Variants in SLC39A12 observed in about 807,000 individuals in gnomAD.
SLC39A12 encodes the protein solute carrier family 39 member 12, also known as zinc transporter ZIP12.
A neutral mutation model predicts 71.1 loss-of-function variants in SLC39A12; 63 were observed. The observed-to-expected ratio is 0.89, with a 90% CI of 0.72 to 1.09. The LOEUF is 1.09. SLC39A12 is among the 50% of genes least tolerant of loss of function. The pLI is 0.00. For synonymous variants in SLC39A12, 351 were observed against 301.3 expected (o/e 1.16, Z -1.71); for missense variants, 892 against 812.6 (o/e 1.10, Z -1.19).
At chr10:17,995,629 C>T in intron 9 of SLC39A12, 27 bp from the exon 10 acceptor site, 1 of 1,598,734 alleles carries the variant, frequency 6.3e-7, no homozygotes. Flanking sequence ...ACTTATCTTT[C>T]ATCAGTTATT....
intron 12 of SLC39A12, among the ~76,000 whole-genome samples, chr10:18,016,449 C>T (rs970548684): frequency 2.6e-5 from 4 of 152,208 alleles, no homozygotes; most frequent in Admixed American, 1.3e-4. Flanking sequence ...TACTGCAGTA[C>T]ATCCAAATTT....
intron 12 of SLC39A12, among the ~76,000 whole-genome samples, chr10:18,021,710 A>T (rs569058149): frequency 6.6e-5 from 10 of 152,290 alleles, no homozygotes; most frequent in South Asian, 2.1e-4. Flanking sequence ...TTTGATTTAT[A>T]GAGTCAGTAG....
intron 5 of SLC39A12, 96 bp downstream of exon 5, chr10:17,978,170 T>C: frequency 1.0e-6 from 1 of 986,956 alleles, no homozygotes; most frequent in Admixed American, 2.8e-5. Context: ...TTAAAGAGTA[T>C]TGTGTATTAT....
Position 17,991,277 on chromosome 10 carries a change from A to C in SLC39A12, c.1396A>C (p.Ile466Leu). ...ATTTTTCTTGATAGAAAAATGTTTTATTCTTCTTGTATCACCAAATGACAA... is the reference window on the plus strand; with the variant it reads ...ATTTTTCTTGATAGAAAAATGTTTTCTTCTTCTTGTATCACCAAATGACAA... ...HGFFLIEKCFILLVSPNDKQG... is the reference protein window; with the variant it reads ...HGFFLIEKCFLLLVSPNDKQG... Residue 466 changes from isoleucine (I) to leucine (L), a missense_variant, in exon 8 of 13, where the codon ATT (isoleucine) becomes CTT (leucine). Ile to Leu is a conservative substitution (Grantham distance 5). Coordinates refer to ENST00000377369, the MANE Select transcript of SLC39A12 (RefSeq NM_001145195.2). The C allele has an allele frequency of 1.9e-6, 3 of 1,594,912 alleles. No individual in the cohort carries two copies. The highest frequency in any genetic ancestry group is 2.6e-6 in the Non-Finnish European group (3 of 1,174,252).
chr10:17,995,225 T>C (rs920038267), intron 9 of SLC39A12, among the ~76,000 whole-genome samples: 4 of 152,200 alleles, frequency 2.6e-5, no homozygotes, highest in African/African-American at 9.6e-5. Flanking sequence ...TGCATGGGTG[T>C]CTTTTCCATC....
At chr10:18,003,765 A>G (rs558778067) in intron 12 of SLC39A12, among the ~76,000 whole-genome samples, 1 of 152,324 alleles carries the variant, frequency 6.6e-6, no homozygotes, top group East Asian at 1.9e-4. Flanking sequence ...CAGCTATTTT[A>G]TTTATACAAT....
intron 12 of SLC39A12, among the ~76,000 whole-genome samples, chr10:18,009,906 G>A (rs1836152550): frequency 6.6e-6 from 1 of 152,170 alleles, no homozygotes; most frequent in Middle Eastern, 3.2e-3. Context: ...TACACTTATT[G>A]TAGGTCAGTA....
intron 12 of SLC39A12, among the ~76,000 whole-genome samples, chr10:18,037,756 G>T (rs545282224): frequency 6.6e-4 from 100 of 152,174 alleles, no homozygotes; most frequent in Non-Finnish European, 1.3e-3. Context: ...AGGTGCAGGG[G>T]CTCACACCTG....
rs1835887058 is a variant in SLC39A12 at position 18,003,255 on chromosome 10, T to G, written c.1844T>G (p.Met615Arg). 1 of 1,614,154 alleles carries G rather than the reference T, an allele frequency of 6.2e-7. No homozygotes were observed. The highest frequency in any genetic ancestry group is 8.5e-7 in the Non-Finnish European group (1 of 1,180,020). The change falls in exon 12 of 13, where the codon ATG (methionine) becomes AGG (arginine). Residue 615 changes from methionine (M) to arginine (R), a missense_variant. Transcript: ENST00000377369. Reference sequence around the variant, plus strand: ...TTTATAAGCTCCCTAACTGCCTTCATGGGATTATACATTGGCCTTTCCGTG... The same window carrying G: ...TTTATAAGCTCCCTAACTGCCTTCAGGGGATTATACATTGGCCTTTCCGTG... ...MNFISSLTAF[M>R]GLYIGLSVSA...
chr10:18,003,778 G>A (rs1264761690), intron 12 of SLC39A12, among the ~76,000 whole-genome samples: 2 of 152,140 alleles, frequency 1.3e-5, no homozygotes, highest in Non-Finnish European at 2.9e-5. Flanking sequence ...TATACAATGC[G>A]AAAGTTCTGT....
At chr10:17,991,530 G>T (rs990572898) in intron 8 of SLC39A12, among the ~76,000 whole-genome samples, 2 of 152,104 alleles carry the variant, frequency 1.3e-5, no homozygotes, top group Non-Finnish European at 2.9e-5. Flanking sequence ...CAACCTTCAT[G>T]GTTGGTTTAG....
rs781033130 is a variant in SLC39A12 at position 17,965,611 on chromosome 10, A to G, written c.672A>G (p.Gln224=). Residue 224 remains glutamine (Q), a synonymous_variant, in exon 4 of 13, where the codon CAA becomes CAG. Transcript: ENST00000377369. The part of the protein sequence containing the change: ...TLSLQGVCLG[Q]GNLPSPDYFT... ...CCCTCCAGGGTGTTTGTCTGGGACA[A>G]GGAAACTTGCCTTCCCCAGACTACT... 2 of 1,614,180 alleles carry G rather than the reference A, an allele frequency of 1.2e-6. No individual in the cohort carries two copies. Among genetic ancestry groups the G allele is most frequent in the South Asian group, 1.1e-5 (1 of 91,078 alleles).
Position 18,021,374 on chromosome 10 carries a change from C to A in SLC39A12, c.1947+18016C>A, listed in dbSNP as rs1357255359. Among the ~76,000 whole-genome samples, 3 of 152,036 alleles carry A rather than the reference C, an allele frequency of 2.0e-5. 1 individual carries two copies. The highest frequency in any genetic ancestry group is 4.1e-4 in the South Asian group (2 of 4,822). ...CTTTTATCATTATGTAATGCCCTTT[C>A]TTTTTGTCATTTTTGATCAATCATT... is the stretch of plus-strand genomic sequence containing the variant. On this transcript the variant is annotated intron_variant, in intron 12 of 12. Coordinates refer to ENST00000377369, the MANE Select transcript of SLC39A12 (RefSeq NM_001145195.2).
chr10:18,037,930 G>A (rs1837106178), intron 12 of SLC39A12, among the ~76,000 whole-genome samples: 1 of 145,324 alleles, frequency 6.9e-6, no homozygotes, highest in South Asian at 2.2e-4. Flanking sequence ...TGAGGCAGGG[G>A]AATTGTTTGA....
In SLC39A12 at chr10:17,961,738, A is replaced by G. The variant is rs781888329; in HGVS notation, c.419A>G (p.Tyr140Cys). Residue 140 changes from tyrosine to cysteine, a missense_variant, in exon 3 of 13, where the codon TAT (tyrosine) becomes TGT (cysteine). Coordinates refer to ENST00000377369, the MANE Select transcript of SLC39A12 (RefSeq NM_001145195.2). ...AAGCTCAACATGAGTAATAAAGAGT[A>G]TAAATTTTACCTACACAGCCTACTG... Reference protein sequence around the residue: ...SSKLNMSNKEYKFYLHSLLSL... With the variant: ...SSKLNMSNKECKFYLHSLLSL... 6.2e-7 allele frequency: 1 copy of G among 1,614,036 alleles called. No individual in the cohort carries two copies. The highest frequency in any genetic ancestry group is 1.3e-5 in the African/African-American group (1 of 74,946).
intron 12 of SLC39A12, among the ~76,000 whole-genome samples, chr10:18,035,967 AG>A (rs1836995833): frequency 1.3e-5 from 2 of 152,164 alleles, no homozygotes; most frequent in Non-Finnish European, 2.9e-5. Flanking sequence ...CTCGGGGGTC[AG>A]GGGTCAGGGA....
chr10:17,954,122 C>T (rs541998836), intron 2 of SLC39A12, among the ~76,000 whole-genome samples: 2 of 152,266 alleles, frequency 1.3e-5, no homozygotes, highest in East Asian at 1.9e-4. Context: ...GCCTACAAAG[C>T]GAATCTCAAC....
chr10:18,002,063 A>G (rs1457744565), intron 11 of SLC39A12: 1 of 151,468 alleles, frequency 6.6e-6, no homozygotes, highest in Non-Finnish European at 1.5e-5. Context: ...TGATTTTTAG[A>G]TCCCACAAAT....
chr10:17,959,067 G>A (rs1834621512), intron 2 of SLC39A12, among the ~76,000 whole-genome samples: 1 of 152,116 alleles, frequency 6.6e-6, no homozygotes, highest in African/African-American at 2.4e-5. Flanking sequence ...CAATAGTTTA[G>A]TTTCAGGAGG....
Sources: gnomAD v4.1 joint callset for allele counts (sites outside exome capture counted in the v4.1 genomes callset) on GRCh38, gnomAD v4.1.1 for gene constraint, MANE v1.5 for transcripts, NCBI Gene and HGNC (gene_info 2026-07-23, HGNC 2026-07-21) for gene names.